Variants in USP49 observed in about 807,000 individuals in gnomAD.
The protein encoded by USP49 is ubiquitin specific peptidase 49, also known as ubiquitin carboxyl-terminal hydrolase 49.
In USP49, 24 loss-of-function variants were observed where a neutral mutation model predicts 58.6. The observed-to-expected ratio is 0.41, with a 90% CI of 0.30 to 0.58. USP49 has a LOEUF of 0.58. USP49 is among the 20% of genes least tolerant of loss of function. The pLI is 0.30. For synonymous variants in USP49, 408 were observed against 365.1 expected (o/e 1.12, Z -1.34); for missense variants, 703 against 866.1 (o/e 0.81, Z 2.36).
At chr6:41,871,404 C>G (rs949577788) in intron 3 of USP49, among the ~76,000 whole-genome samples, 160 bp downstream of exon 3, 3 of 152,114 alleles carry the variant, frequency 2.0e-5, no homozygotes, top group Non-Finnish European at 4.4e-5. Flanking sequence ...AAAAAATTCA[C>G]AAGGTTAAGA....
At chr6:41,855,535 C>T (rs1774113308) in intron 3 of USP49, among the ~76,000 whole-genome samples, 1 of 151,944 alleles carries the variant, frequency 6.6e-6, no homozygotes, top group Non-Finnish European at 1.5e-5. Context: ...AACAGACAAA[C>T]AAAAGAAAAG....
intron 3 of USP49, among the ~76,000 whole-genome samples, chr6:41,815,202 T>C (rs1773326692): frequency 1.3e-5 from 2 of 151,992 alleles, no homozygotes; most frequent in African/African-American, 4.8e-5. Context: ...GGGAGGATCA[T>C]GAGGTCAGCA....
chr6:41,809,465 C>T (rs1773205703), intron 3 of USP49, among the ~76,000 whole-genome samples: 1 of 151,814 alleles, frequency 6.6e-6, no homozygotes, highest in South Asian at 2.1e-4. Context: ...GTGGAGGTTG[C>T]AGTGAGCCAA....
rs1772791352 is a variant in USP49, at chr6:41,791,152, C to T, written c.*5381G>A. On this transcript the variant is annotated 3_prime_UTR_variant, in exon 8 of 8. Transcript: ENST00000682992. ...TCCAGCAAGAATTAAGACATGGCAG[C>T]TTCCAAAAGCATAATTCAAATTTCA... 1 of 152,210 alleles carries T rather than the reference C, an allele frequency of 6.6e-6. No homozygotes were observed. Among genetic ancestry groups the T allele is most frequent in the Non-Finnish European group, 1.5e-5 (1 of 68,048 alleles). 9.4% of individuals were successfully genotyped at this position (152,210 alleles called of 1,614,324 possible).
At chr6:41,832,128 C>T (rs62396751) in intron 3 of USP49, among the ~76,000 whole-genome samples, 1 of 151,584 alleles carries the variant, frequency 6.6e-6, no homozygotes, top group Admixed American at 6.6e-5. Flanking sequence ...TTTTTTTTAC[C>T]ATTCACCCCC....
intron 3 of USP49, among the ~76,000 whole-genome samples, chr6:41,861,642 T>G (rs1381105884): frequency 6.6e-6 from 1 of 152,140 alleles, no homozygotes; most frequent in Non-Finnish European, 1.5e-5. Context: ...TATGTTATTC[T>G]AAATTTTTCC....
chr6:41,790,098 C>A lies in USP49; in HGVS notation c.*6435G>T, dbSNP rs8393. The A allele has an allele frequency of 0.56, 85,518 of 151,898 alleles. 24,428 individuals carry two copies. Among genetic ancestry groups the A allele is most frequent in the Admixed American group, 0.64 (9,803 of 15,254 alleles). 9.4% of individuals were successfully genotyped at this position (151,898 alleles called of 1,614,324 possible). A position where few individuals can be genotyped will look rare whatever the true frequency, so the allele number is the denominator to read the frequency against. On this transcript the variant is annotated 3_prime_UTR_variant, in exon 8 of 8. Coordinates refer to ENST00000682992, the MANE Select transcript of USP49 (RefSeq NM_001286554.2). The stretch of plus-strand genomic sequence containing the variant: ...GCTGTAACCATACATTGATGTTAAC[C>A]TAGCATGAAGTTTATTCTTGAAGAA...
chr6:41,843,420 G>C (rs991379413), intron 3 of USP49, among the ~76,000 whole-genome samples: 1 of 152,010 alleles, frequency 6.6e-6, no homozygotes, highest in Non-Finnish European at 1.5e-5. Flanking sequence ...GCGTATGTCG[G>C]AAAAAAAGGT....
At position 41,796,628 on chromosome 6, in the gene USP49, T is replaced by C. The variant is rs1389434041; in HGVS notation, c.1972A>G (p.Thr658Ala). 1.4e-6 allele frequency: 1 copy of C among 717,528 alleles called. No homozygotes were observed. The highest frequency in any genetic ancestry group is 2.0e-5 in the Admixed American group (1 of 50,014). 44.4% of individuals were successfully genotyped at this position (717,528 alleles called of 1,614,324 possible). The change falls in exon 8 of 8, where the codon ACA (threonine) becomes GCA (alanine). Residue 658 changes from threonine to alanine, a missense_variant. Physicochemically the swap from Thr to Ala is moderately conservative, Grantham distance 58 (BLOSUM62 0). Transcript: ENST00000682992. ...QAYILFYTQR[T>A]VQGNARISET... ...GAGATTCTTGCATTGCCCTGCACTGTTCTTTGAGTGTAAAAAAGGATGTAG... is the reference window on the plus strand; with the variant it reads ...GAGATTCTTGCATTGCCCTGCACTGCTCTTTGAGTGTAAAAAAGGATGTAG...
At chr6:41,893,662 T>G (rs1198946503) in intron 1 of USP49, among the ~76,000 whole-genome samples, 1 of 152,132 alleles carries the variant, frequency 6.6e-6, no homozygotes, top group Non-Finnish European at 1.5e-5. Context: ...AGTTTATACT[T>G]TATCATCCAT....
At chr6:41,845,959 GT>G (rs1407186172) in intron 3 of USP49, among the ~76,000 whole-genome samples, 1 of 152,048 alleles carries the variant, frequency 6.6e-6, no homozygotes, top group Non-Finnish European at 1.5e-5. Context: ...CAGCCAAAAG[GT>G]AAGTTATTTC....
chr6:41,863,673 TGTGATAGTGCCTAGCAC>T (rs1252501587), intron 3 of USP49, among the ~76,000 whole-genome samples: 7 of 152,232 alleles, frequency 4.6e-5, no homozygotes, highest in South Asian at 2.1e-4. Context: ...AAATAATGTA[TGTGATAGTGCCTAGCAC>T]GTGATAGTGC....
chr6:41,871,857 C>T (rs567001926), intron 2 of USP49, among the ~76,000 whole-genome samples: 2 of 152,080 alleles, frequency 1.3e-5, no homozygotes, highest in Admixed American at 1.3e-4. Context: ...GACTGATCTA[C>T]AAATGGAAGT....
At chr6:41,891,559 G>GT (rs1348674547) in intron 2 of USP49, among the ~76,000 whole-genome samples, 1 of 152,178 alleles carries the variant, frequency 6.6e-6, no homozygotes, top group Non-Finnish European at 1.5e-5. Flanking sequence ...CTATTATTAA[G>GT]TTTATGAAGA....
chr6:41,881,288 C>CAAAAAAAAAAAAAAAAAAAAAAAAAAAAA lies in USP49; in HGVS notation c.-102-9680_-102-9652dup, dbSNP rs57022965. Among the ~76,000 whole-genome samples the CAAAAAAAAAAAAAAAAAAAAAAAAAAAAA allele has an allele frequency of 3.9e-4, 8 of 20,388 alleles. 1 individual carries two copies. The highest frequency in any genetic ancestry group is 9.9e-4 in the African/African-American group (4 of 4,036). 13.4% of individuals were successfully genotyped at this position (20,388 alleles called of 152,430 possible). On this transcript the variant is annotated intron_variant, in intron 2 of 7. Transcript: ENST00000682992. ...TGTTCAGAAATATGGCATTAAATAC[C>CAAAAAAAAAAAAAAAAAAAAAAAAAAAAA]AAAAAAAAAAAAAAAAAAAAAAAAA...
chr6:41,851,034 G>A (rs1260264753), intron 3 of USP49, among the ~76,000 whole-genome samples: 1 of 152,136 alleles, frequency 6.6e-6, no homozygotes, highest in East Asian at 1.9e-4. Context: ...CCCAGGACCA[G>A]ATGGCTTCAC....
chr6:41,820,624 A>G (rs539071366), intron 3 of USP49, among the ~76,000 whole-genome samples: 15 of 152,334 alleles, frequency 9.8e-5, no homozygotes, highest in Non-Finnish European at 4.4e-5. Context: ...CAAAATGTCT[A>G]TAATTGTTGA....
chr6:41,864,780 G>A (rs1425315351), intron 3 of USP49, among the ~76,000 whole-genome samples: 1 of 152,114 alleles, frequency 6.6e-6, no homozygotes, highest in Non-Finnish European at 1.5e-5. Flanking sequence ...TGAAGTTAGT[G>A]AGTGATAAGA....
At chr6:41,848,777 C>G (rs911970051) in intron 3 of USP49, among the ~76,000 whole-genome samples, 2 of 151,562 alleles carry the variant, frequency 1.3e-5, no homozygotes, top group East Asian at 1.9e-4. Context: ...ATGGTGTGAA[C>G]CCGGGAGGCA....
Sources: gnomAD v4.1 joint callset for allele counts (sites outside exome capture counted in the v4.1 genomes callset) on GRCh38, gnomAD v4.1.1 for gene constraint, MANE v1.5 for transcripts, NCBI Gene and HGNC (gene_info 2026-07-23, HGNC 2026-07-21) for gene names.